DCC: variants seen among roughly 807,000 people sequenced by gnomAD.
The protein encoded by DCC is netrin receptor DCC.
DCC carries 58 observed loss-of-function variants against 172.5 expected under a neutral mutation model. The observed-to-expected ratio is 0.34, with a 90% CI of 0.27 to 0.42. DCC has a LOEUF of 0.42. Among genes scored for constraint, DCC ranks in the 10% least tolerant of loss-of-function variants. DCC has a pLI of 1.00. For missense variants in DCC, 1,740 were observed against 1,791.0 expected, an observed-to-expected ratio of 0.97 and a Z score of 0.51; for synonymous variants, 709 against 644.5, an observed-to-expected ratio of 1.10 and a Z score of -1.52.
At chr18:53,243,751 C>G (rs1200796307) in intron 12 of DCC, among the ~76,000 whole-genome samples, 2 of 152,130 alleles carry the variant, frequency 1.3e-5, no homozygotes, top group African/African-American at 4.8e-5. Flanking sequence ...GTATACAAAA[C>G]AGGGTCACTC....
intron 18 of DCC, among the ~76,000 whole-genome samples, chr18:53,401,392 C>T (rs776147795): frequency 4.6e-5 from 7 of 151,920 alleles, no homozygotes; most frequent in Non-Finnish European, 8.8e-5. Context: ...ATTAAGTGCA[C>T]GTTTGGTTAA....
chr18:53,371,748 A>G (rs1320073248), intron 15 of DCC, among the ~76,000 whole-genome samples: 2 of 152,020 alleles, frequency 1.3e-5, no homozygotes, highest in African/African-American at 4.8e-5. Context: ...CAACTATTTT[A>G]TAATTATAAT....
At chr18:52,472,255 C>T (rs188506136) in intron 1 of DCC, among the ~76,000 whole-genome samples, 7 of 152,260 alleles carry the variant, frequency 4.6e-5, no homozygotes, top group South Asian at 2.1e-4. Flanking sequence ...CTTCCCCTTA[C>T]GGTTCCTAGT....
intron 1 of DCC, among the ~76,000 whole-genome samples, chr18:52,708,441 CA>C (rs10605224): frequency 0.085 from 11,538 of 135,884 alleles, 1,182 homozygotes; most frequent in African/African-American, 0.26. Flanking sequence ...GACTCTGTCT[CA>C]AAAAAAAAAA....
rs191604315 is a variant in DCC, at chr18:52,907,668, A to G, written c.697+1340A>G. On this transcript the variant is annotated intron_variant, in intron 3 of 28. Coordinates refer to ENST00000442544, the MANE Select transcript of DCC (RefSeq NM_005215.4). ...TGGGCTCCAGCAATCTGCCTGCCTC[A>G]GCCTCCGCCTCCCAAATTGCTGGGA... 2.1e-3 allele frequency among the ~76,000 whole-genome samples: 321 copies of G among 152,224 alleles called. 1 individual carries two copies. The highest frequency in any genetic ancestry group is 7.2e-3 in the African/African-American group (300 of 41,542).
At chr18:53,236,590 G>C (rs1014732633) in intron 12 of DCC, among the ~76,000 whole-genome samples, 2 of 151,972 alleles carry the variant, frequency 1.3e-5, no homozygotes, top group Non-Finnish European at 2.9e-5. Context: ...GTCTTTTGAT[G>C]AGCAGATGCT....
intron 12 of DCC, among the ~76,000 whole-genome samples, chr18:53,297,077 TAA>T (rs964574584): frequency 2.0e-5 from 3 of 152,148 alleles, no homozygotes; most frequent in Admixed American, 6.6e-5. Context: ...AAAAATATGA[TAA>T]GTTTATGAAA....
chr18:52,816,656 G>A (rs372080286), intron 2 of DCC: 8 of 152,150 alleles, frequency 5.3e-5, no homozygotes, highest in East Asian at 1.9e-4. Flanking sequence ...GGCTGAGAAA[G>A]TTTGGACAAC....
chr18:53,390,906 C>A (rs1908506900), intron 16 of DCC, among the ~76,000 whole-genome samples: 1 of 152,148 alleles, frequency 6.6e-6, no homozygotes, highest in African/African-American at 2.4e-5. Flanking sequence ...TAGCTAATTA[C>A]TCTGTGAGAA....
At chr18:53,193,856 TC>T in intron 9 of DCC, among the ~76,000 whole-genome samples, 1 of 152,356 alleles carries the variant, frequency 6.6e-6, no homozygotes, top group South Asian at 2.1e-4. Flanking sequence ...TAAGGTAGGA[TC>T]TTTTTTTCAT....
chr18:53,413,399 A>T (rs1263624163), intron 20 of DCC, among the ~76,000 whole-genome samples: 1 of 152,222 alleles, frequency 6.6e-6, no homozygotes, highest in Non-Finnish European at 1.5e-5. Flanking sequence ...AAATGATAGA[A>T]ACATATGATA....
chr18:52,687,185 G>A (rs2035851206), intron 1 of DCC, among the ~76,000 whole-genome samples: 1 of 151,692 alleles, frequency 6.6e-6, no homozygotes, highest in African/African-American at 2.4e-5. Flanking sequence ...AGTCTGATTT[G>A]CCCAAACAAT....
chr18:53,310,288 C>T (rs1294867289), intron 13 of DCC, among the ~76,000 whole-genome samples: 1 of 152,060 alleles, frequency 6.6e-6, no homozygotes, highest in African/African-American at 2.4e-5. Context: ...TATAAATCTA[C>T]AGCACTGTAA....
chr18:52,923,645 TATATC>T (rs1310178946), intron 3 of DCC, 57 bp from the exon 4 acceptor site: 2 of 1,305,150 alleles, frequency 1.5e-6, no homozygotes, highest in Admixed American at 3.4e-5. Context: ...AAAATCAAAA[TATATC>T]ATTTATCTTT....
chr18:53,205,749 C>CT (rs1191770328), intron 10 of DCC, among the ~76,000 whole-genome samples: 1 of 152,014 alleles, frequency 6.6e-6, no homozygotes, highest in East Asian at 1.9e-4. Flanking sequence ...TGCCAAACTG[C>CT]TTTTTTCATT....
chr18:52,655,143 A>C (rs2035221121), intron 1 of DCC, among the ~76,000 whole-genome samples: 1 of 151,898 alleles, frequency 6.6e-6, no homozygotes, highest in Admixed American at 6.6e-5. Context: ...TTTTTAAGAG[A>C]GAAGAGGGGA....
intron 1 of DCC, among the ~76,000 whole-genome samples, chr18:52,680,337 A>G (rs1451972403): frequency 2.6e-5 from 4 of 152,138 alleles, no homozygotes; most frequent in Non-Finnish European, 5.9e-5. Context: ...CCAGGAGTTC[A>G]ACTTTCCAGG....
chr18:52,883,401 TTC>T (rs1222587589), intron 2 of DCC, among the ~76,000 whole-genome samples: 18 of 147,756 alleles, frequency 1.2e-4, no homozygotes, highest in African/African-American at 4.0e-4. Context: ...TGAGATCTCT[TTC>T]TGTCTTCCTT....
intron 26 of DCC, 133 bp from the exon 27 acceptor site, chr18:53,499,165 G>A: frequency 1.2e-6 from 1 of 845,472 alleles, no homozygotes; most frequent in Non-Finnish European, 2.0e-6. Context: ...GAATGACAAT[G>A]TTCATAACTT....
Sources: gnomAD v4.1 joint callset for allele counts (sites outside exome capture counted in the v4.1 genomes callset) on GRCh38, gnomAD v4.1.1 for gene constraint, MANE v1.5 for transcripts, NCBI Gene and HGNC (gene_info 2026-07-23, HGNC 2026-07-21) for gene names.